The following AGPAT5 variants were observed in gnomAD, a reference collection of about 807,000 sequenced individuals.
The protein encoded by AGPAT5 is 1-acyl-sn-glycerol-3-phosphate acyltransferase epsilon.
A neutral mutation model predicts 45.6 loss-of-function variants in AGPAT5; 46 were observed. That is an observed-to-expected ratio of 1.01 (90% CI 0.80 to 1.29). The LOEUF (loss-of-function observed/expected upper bound fraction) is 1.29, where lower values mean the gene tolerates loss of function less well. AGPAT5 is among the 50% of genes most tolerant of loss of function. The pLI is 0.00. For synonymous variants in AGPAT5, 272 were observed against 167.0 expected (o/e 1.63, Z -4.85); for missense variants, 673 against 450.7 (o/e 1.49, Z -4.47).
intron 2 of AGPAT5, among the ~76,000 whole-genome samples, chr8:6,726,776 G>A (rs985372555): frequency 4.6e-5 from 7 of 152,064 alleles, no homozygotes; most frequent in East Asian, 1.9e-4. Context: ...CCCTACCTCC[G>A]AGTGCCTGTG....
intron 1 of AGPAT5, among the ~76,000 whole-genome samples, chr8:6,721,383 C>G (rs1286193257): frequency 5.9e-5 from 9 of 152,182 alleles, no homozygotes; most frequent in Admixed American, 3.9e-4. Context: ...AGCTCTTTCT[C>G]TTATCCATTA....
chr8:6,742,958 G>A (rs970568148), intron 5 of AGPAT5, among the ~76,000 whole-genome samples: 3 of 152,004 alleles, frequency 2.0e-5, no homozygotes, highest in Non-Finnish European at 2.9e-5. Context: ...TGTCTCTTTT[G>A]CCCTTTTCAC....
At chr8:6,747,188 T>C (rs1392405967) in intron 5 of AGPAT5, among the ~76,000 whole-genome samples, 4 of 152,210 alleles carry the variant, frequency 2.6e-5, no homozygotes, top group Admixed American at 6.5e-5. Flanking sequence ...ATACTAACTA[T>C]TCAGCCATAA....
intron 6 of AGPAT5, among the ~76,000 whole-genome samples, chr8:6,750,378 A>G (rs779003978): frequency 6.6e-6 from 1 of 152,214 alleles, no homozygotes; most frequent in Non-Finnish European, 1.5e-5. Context: ...GTCACTGCCT[A>G]TGTGTATTCA....
rs1233471348 is a variant in AGPAT5 at position 6,708,833 on chromosome 8, C to A, written c.165C>A (p.Tyr55Ter). 12 of 1,611,614 alleles carry A rather than the reference C, an allele frequency of 7.4e-6. No homozygotes were observed. Among genetic ancestry groups the A allele is most frequent in the African/African-American group, 1.3e-5 (1 of 74,898 alleles). ...ACCAAGCGCTGGACGACCGGCTCTACTGCGTCTACCAGAGCATGGTGCTCT... is the reference window on the plus strand; with the variant it reads ...ACCAAGCGCTGGACGACCGGCTCTAATGCGTCTACCAGAGCATGGTGCTCT... Reference protein sequence around the residue: ...RFYQALDDRLYCVYQSMVLFF... With the variant: ...RFYQALDDRL The change falls in exon 1 of 8, where the codon TAC (tyrosine) becomes TAA (stop). Residue 55 changes from tyrosine (Y) to a stop codon, truncating the protein, a stop_gained. Transcript: ENST00000285518. LOFTEE classifies it high-confidence loss of function.
Position 6,712,184 on chromosome 8 carries a change from A to G in AGPAT5, c.219+3297A>G, listed in dbSNP as rs114222002. Reference sequence around the variant, plus strand: ...AACAGAGAACCTGGTTTTCTGTAATAAGTTTACTTACTTTCCCATAATCTT... The same window carrying G: ...AACAGAGAACCTGGTTTTCTGTAATGAGTTTACTTACTTTCCCATAATCTT... On this transcript the variant is annotated intron_variant, in intron 1 of 7. Transcript: ENST00000285518. 6.3e-3 allele frequency among the ~76,000 whole-genome samples: 966 copies of G among 152,296 alleles called. 5 individuals carry two copies. The highest frequency in any genetic ancestry group is 0.022 in the African/African-American group (900 of 41,550).
chr8:6,753,484 C>G (rs1801724002), intron 6 of AGPAT5, among the ~76,000 whole-genome samples: 1 of 152,166 alleles, frequency 6.6e-6, no homozygotes, highest in Non-Finnish European at 1.5e-5. Flanking sequence ...TAATTTGTGG[C>G]TAAAACACTA....
chr8:6,755,982 G>GA (rs1009086940), intron 7 of AGPAT5, among the ~76,000 whole-genome samples: 1 of 152,026 alleles, frequency 6.6e-6, no homozygotes, highest in Non-Finnish European at 1.5e-5. Context: ...TATGTTCTCA[G>GA]AAAAAAGACT....
chr8:6,709,187 T>C (rs1399484167), intron 1 of AGPAT5: 1 of 458,396 alleles, frequency 2.2e-6, no homozygotes, highest in African/African-American at 2.0e-5. Flanking sequence ...ACGTTTTAAA[T>C]AATAGGGCAC....
At chr8:6,752,185 G>A (rs1480591023) in intron 6 of AGPAT5, among the ~76,000 whole-genome samples, 1 of 152,002 alleles carries the variant, frequency 6.6e-6, no homozygotes, top group Admixed American at 6.6e-5. Context: ...TAAAAAAAAA[G>A]GGATCAGGGA....
intron 4 of AGPAT5, among the ~76,000 whole-genome samples, chr8:6,736,567 T>C (rs183107292): frequency 2.5e-3 from 385 of 152,376 alleles, no homozygotes; most frequent in Non-Finnish European, 4.4e-3. Context: ...TTTGCTTTGT[T>C]ATCTTCCTTT....
chr8:6,714,475 A>G (rs899752089), intron 1 of AGPAT5, among the ~76,000 whole-genome samples: 2 of 152,236 alleles, frequency 1.3e-5, no homozygotes, highest in Non-Finnish European at 1.5e-5. Flanking sequence ...ACACTTTATA[A>G]ATATAAACCT....
intron 1 of AGPAT5, among the ~76,000 whole-genome samples, chr8:6,715,573 A>G (rs1223441538): frequency 1.3e-5 from 2 of 152,196 alleles, no homozygotes; most frequent in Non-Finnish European, 2.9e-5. Context: ...GGAAAAGGGA[A>G]CACCCATGGT....
chr8:6,714,904 C>A (rs141700068), intron 1 of AGPAT5, among the ~76,000 whole-genome samples: 1 of 152,332 alleles, frequency 6.6e-6, no homozygotes, highest in African/African-American at 2.4e-5. Context: ...GGAGCTGATG[C>A]TTCTCAAGTG....
intron 6 of AGPAT5, among the ~76,000 whole-genome samples, chr8:6,750,539 G>T (rs1331142539): frequency 6.6e-6 from 1 of 152,166 alleles, no homozygotes; most frequent in Non-Finnish European, 1.5e-5. Flanking sequence ...AAGACAAACT[G>T]GGAAATTATT....
At chr8:6,728,904 A>G (rs1195814695) in intron 2 of AGPAT5, among the ~76,000 whole-genome samples, 2 of 152,210 alleles carry the variant, frequency 1.3e-5, no homozygotes, top group Non-Finnish European at 2.9e-5. Flanking sequence ...ACAGGAATTT[A>G]TATACTTTAG....
intron 2 of AGPAT5, among the ~76,000 whole-genome samples, chr8:6,727,291 GTC>G (rs1392516453): frequency 6.6e-6 from 1 of 151,942 alleles, no homozygotes. Flanking sequence ...TTCTGTCTCT[GTC>G]TCTGTTAGCT....
rs117759142 is a variant in AGPAT5 at position 6,755,482 on chromosome 8, C to T, written c.869+308C>T. Among the ~76,000 whole-genome samples the T allele has an allele frequency of 4.7e-3, 717 of 152,248 alleles. 2 individuals are homozygous for T. The highest frequency in any genetic ancestry group is 0.01 in the Middle Eastern group (3 of 294). On this transcript the variant is annotated intron_variant, in intron 7 of 7. Transcript: ENST00000285518. The stretch of plus-strand genomic sequence containing the variant: ...AAAAAACTTTCCAGTGTCAGATGCC[C>T]GGACCTACCTGTCAGGTCACATAAA...
chr8:6,724,767 A>G, intron 1 of AGPAT5, 103 bp from the exon 2 acceptor site: 1 of 380,664 alleles, frequency 2.6e-6, no homozygotes, highest in Non-Finnish European at 4.9e-6. Context: ...TCATGGATGG[A>G]AATATTCACA....
Sources: gnomAD v4.1 joint callset for allele counts (sites outside exome capture counted in the v4.1 genomes callset) on GRCh38, gnomAD v4.1.1 for gene constraint, MANE v1.5 for transcripts, NCBI Gene and HGNC (gene_info 2026-07-23, HGNC 2026-07-21) for gene names.